Variants in ERBB4 observed in about 807,000 individuals in gnomAD.
ERBB4 encodes the protein receptor tyrosine-protein kinase erbB-4.
In ERBB4, 42 loss-of-function variants were observed where a neutral mutation model predicts 158.0. The observed-to-expected ratio is 0.27, with a 90% CI of 0.21 to 0.34. The LOEUF (loss-of-function observed/expected upper bound fraction) is 0.34. Ranked by LOEUF, ERBB4 falls within the 10% of genes least tolerant of loss-of-function variation. The pLI, the probability that ERBB4 is intolerant of heterozygous loss-of-function variation, is 1.00. For missense variants in ERBB4, 1,333 were observed against 1,624.1 expected, an observed-to-expected ratio of 0.82 and a Z score of 3.08; for synonymous variants, 583 against 558.7, an observed-to-expected ratio of 1.04 and a Z score of -0.61.
chr2:212,287,488 T>C (rs1226618791), intron 1 of ERBB4, among the ~76,000 whole-genome samples: 2 of 152,204 alleles, frequency 1.3e-5, no homozygotes, highest in Non-Finnish European at 2.9e-5. Flanking sequence ...TGTTTTAAAA[T>C]GAATCTGCTC....
At chr2:212,512,109 T>G (rs1691554244) in intron 1 of ERBB4, among the ~76,000 whole-genome samples, 1 of 152,126 alleles carries the variant, frequency 6.6e-6, no homozygotes, top group African/African-American at 2.4e-5. Flanking sequence ...ACAATAATGA[T>G]TCTCTCCCCA....
At chr2:211,808,825 C>T (rs9797940) in intron 3 of ERBB4, among the ~76,000 whole-genome samples, 38,415 of 151,924 alleles carry the variant, frequency 0.25, 5,937 homozygotes, top group East Asian at 0.4. Context: ...TTGTAGTTCT[C>T]CTTGAAGAGT....
At chr2:211,871,556 G>C (rs766292742) in intron 3 of ERBB4, among the ~76,000 whole-genome samples, 1 of 150,796 alleles carries the variant, frequency 6.6e-6, no homozygotes, top group Non-Finnish European at 1.5e-5. Context: ...CTTTATTGTG[G>C]GACATTTTTA....
At chr2:212,222,609 C>T (rs1022058189) in intron 1 of ERBB4, among the ~76,000 whole-genome samples, 1 of 146,400 alleles carries the variant, frequency 6.8e-6, no homozygotes, top group African/African-American at 2.4e-5. Context: ...ACACCATATT[C>T]TCTTGGCTTT....
At chr2:211,772,940 T>TACACAC (rs1172044868) in intron 4 of ERBB4, among the ~76,000 whole-genome samples, 1 of 92,178 alleles carries the variant, frequency 1.1e-5, no homozygotes, top group Non-Finnish European at 1.9e-5. Context: ...TATATATATA[T>TACACAC]ATATATATAT....
chr2:212,369,568 T>C (rs745889436), intron 1 of ERBB4, among the ~76,000 whole-genome samples: 30 of 152,192 alleles, frequency 2.0e-4, no homozygotes, highest in Non-Finnish European at 3.8e-4. Context: ...TTTATCTGAA[T>C]CTTACCATTG....
intron 25 of ERBB4, among the ~76,000 whole-genome samples, chr2:211,407,009 T>C (rs2063161143): frequency 6.6e-6 from 1 of 151,764 alleles, no homozygotes; most frequent in Admixed American, 6.6e-5. Context: ...GATCCCAGAG[T>C]GGGGAGGTTG....
chr2:212,122,333 G>A (rs1406347308), intron 2 of ERBB4, among the ~76,000 whole-genome samples: 1 of 151,548 alleles, frequency 6.6e-6, no homozygotes, highest in African/African-American at 2.4e-5. Flanking sequence ...TACTGCATAT[G>A]ACATGAATGG....
chr2:212,292,720 T>G (rs1421940017), intron 1 of ERBB4, among the ~76,000 whole-genome samples: 1 of 152,106 alleles, frequency 6.6e-6, no homozygotes, highest in East Asian at 1.9e-4. Context: ...GGCACTGTAT[T>G]ATGAATAGAC....
chr2:211,908,829 A>G (rs915131097), intron 3 of ERBB4, among the ~76,000 whole-genome samples: 4 of 151,762 alleles, frequency 2.6e-5, no homozygotes, highest in African/African-American at 9.7e-5. Flanking sequence ...ATCCAGAAGC[A>G]TATGAACAGC....
At chr2:211,852,696 A>G (rs1238437146) in intron 3 of ERBB4, among the ~76,000 whole-genome samples, 3 of 66,868 alleles carry the variant, frequency 4.5e-5, no homozygotes, top group African/African-American at 9.7e-5. Flanking sequence ...CAATAGATAC[A>G]CAAAACTTTT....
chr2:211,870,198 G>A (rs181041246), intron 3 of ERBB4, among the ~76,000 whole-genome samples: 8 of 151,960 alleles, frequency 5.3e-5, no homozygotes, highest in Admixed American at 3.3e-4. Flanking sequence ...ACTCAATATA[G>A]ATTATTTTAA....
At chr2:212,020,297 G>T (rs759550701) in intron 2 of ERBB4, among the ~76,000 whole-genome samples, 27 of 151,892 alleles carry the variant, frequency 1.8e-4, no homozygotes, top group Admixed American at 4.6e-4. Flanking sequence ...CAATATGCTA[G>T]GACAATATTA....
rs183291039 is a variant in ERBB4 at position 212,097,103 on chromosome 2, G to A, written c.234+27649C>T. ...ACATACAGATAAGCTACAGTACTACGCACTGGCAATATTGAGATGAAAGAT... is the reference window on the plus strand; with the variant it reads ...ACATACAGATAAGCTACAGTACTACACACTGGCAATATTGAGATGAAAGAT... On this transcript the variant is annotated intron_variant, in intron 2 of 27. Transcript: ENST00000342788. 2.3e-3 allele frequency among the ~76,000 whole-genome samples: 351 copies of A among 152,164 alleles called. 2 individuals are homozygous for A. Among genetic ancestry groups the A allele is most frequent in the South Asian group, 6.6e-3 (32 of 4,816 alleles).
intron 20 of ERBB4, among the ~76,000 whole-genome samples, chr2:211,538,546 T>C (rs1201199122): frequency 6.6e-6 from 1 of 151,896 alleles, no homozygotes; most frequent in Non-Finnish European, 1.5e-5. Context: ...TCTCTGACCA[T>C]TCACCAGTCT....
At chr2:211,494,054 G>A (rs1270274325) in intron 20 of ERBB4, among the ~76,000 whole-genome samples, 1 of 152,192 alleles carries the variant, frequency 6.6e-6, no homozygotes, top group African/African-American at 2.4e-5. Context: ...CCAGGCTGGA[G>A]TGCAGCGGTG....
At chr2:211,616,359 CA>C (rs1263409595) in intron 19 of ERBB4, among the ~76,000 whole-genome samples, 1 of 152,048 alleles carries the variant, frequency 6.6e-6, no homozygotes, top group African/African-American at 2.4e-5. Context: ...CCTTCACCTC[CA>C]AAATAAATGA....
At chr2:212,055,221 G>A (rs150790511) in intron 2 of ERBB4, among the ~76,000 whole-genome samples, 6,016 of 152,262 alleles carry the variant, frequency 0.04, 147 homozygotes, top group Middle Eastern at 0.061. Flanking sequence ...GTCTGAGATC[G>A]ATCTGCAAGG....
chr2:211,600,902 A>C (rs973872792), intron 19 of ERBB4, among the ~76,000 whole-genome samples: 2 of 152,110 alleles, frequency 1.3e-5, no homozygotes, highest in Non-Finnish European at 2.9e-5. Context: ...AAATCTTTTG[A>C]GTTAACTAAG....
Sources: gnomAD v4.1 joint callset for allele counts (sites outside exome capture counted in the v4.1 genomes callset) on GRCh38, gnomAD v4.1.1 for gene constraint, MANE v1.5 for transcripts, NCBI Gene and HGNC (gene_info 2026-07-23, HGNC 2026-07-21) for gene names.